The following ODAD2 variants were observed in gnomAD, a reference collection of about 807,000 sequenced individuals.
ODAD2 encodes the protein outer dynein arm-docking complex subunit 2.
In ODAD2, 89 loss-of-function variants were observed where a neutral mutation model predicts 106.8. The observed-to-expected ratio is 0.83, with a 90% CI of 0.70 to 0.99. ODAD2 has a LOEUF of 0.99. Ranked by LOEUF, ODAD2 falls within the 50% of genes least tolerant of loss-of-function variation. The pLI is 0.00. For missense variants in ODAD2, 1,168 were observed against 1,238.5 expected, an observed-to-expected ratio of 0.94 and a Z score of 0.85; for synonymous variants, 404 against 436.2, an observed-to-expected ratio of 0.93 and a Z score of 0.92.
intron 7 of ODAD2, among the ~76,000 whole-genome samples, chr10:27,975,523 C>A (rs1216562426): frequency 2.0e-5 from 3 of 152,060 alleles, no homozygotes; most frequent in African/African-American, 7.2e-5. Flanking sequence ...ATAAATCTGG[C>A]AACTTACACC....
intron 7 of ODAD2, among the ~76,000 whole-genome samples, chr10:27,976,551 A>G (rs1312644429): frequency 1.3e-5 from 2 of 152,192 alleles, no homozygotes; most frequent in African/African-American, 4.8e-5. Context: ...GATGTATAAG[A>G]CCTGTATATT....
chr10:27,980,576 G>A lies in ODAD2; in HGVS notation c.936+890C>T, dbSNP rs566271983. The stretch of plus-strand genomic sequence containing the variant: ...CCAACAAATATATGAAAATATGGTC[G>A]ACATTACTAATCATTATGGAAATGC... On this transcript the variant is annotated intron_variant, in intron 7 of 19. Coordinates refer to ENST00000305242, the MANE Select transcript of ODAD2 (RefSeq NM_018076.5). Among the ~76,000 whole-genome samples the A allele has an allele frequency of 5.9e-5, 9 of 152,106 alleles. No individual in the cohort carries two copies. In the South Asian group the frequency reaches 6.2e-4, roughly 11 times the overall value.
At chr10:27,998,819 C>CG (rs1475593471) in intron 1 of ODAD2, among the ~76,000 whole-genome samples, 175 bp downstream of exon 1, 1 of 152,130 alleles carries the variant, frequency 6.6e-6, no homozygotes, top group South Asian at 2.1e-4. Context: ...CACCCTGCCC[C>CG]CCGCAGTCGG....
intron 1 of ODAD2, chr10:27,997,492 A>G (rs569931983): frequency 6.6e-6 from 1 of 152,366 alleles, no homozygotes; most frequent in South Asian, 2.1e-4. Flanking sequence ...TCAACATACC[A>G]TATAGTAACT....
At chr10:27,993,190 C>T (rs1347827638) in intron 2 of ODAD2, among the ~76,000 whole-genome samples, 1 of 152,088 alleles carries the variant, frequency 6.6e-6, no homozygotes, top group Non-Finnish European at 1.5e-5. Flanking sequence ...GTTGGGATTA[C>T]AGGTGTGAGC....
At chr10:27,915,445 T>C (rs149459051) in intron 16 of ODAD2, among the ~76,000 whole-genome samples, 224 of 152,216 alleles carry the variant, frequency 1.5e-3, no homozygotes, top group African/African-American at 5.2e-3. Context: ...CCGGGGACTC[T>C]TTTAAAAGGG....
intron 10 of ODAD2, among the ~76,000 whole-genome samples, chr10:27,945,769 T>C (rs1270422341): frequency 1.3e-5 from 2 of 152,192 alleles, no homozygotes; most frequent in Non-Finnish European, 2.9e-5. Flanking sequence ...TTTGAAAATC[T>C]TCTAAGGAGT....
intron 7 of ODAD2, among the ~76,000 whole-genome samples, chr10:27,975,644 T>A (rs1849142569): frequency 6.6e-6 from 1 of 152,120 alleles, no homozygotes; most frequent in African/African-American, 2.4e-5. Flanking sequence ...GTAGTTAAAA[T>A]TTTTCCCATA....
At chr10:27,814,047 T>C (rs1450553298) in intron 19 of ODAD2, among the ~76,000 whole-genome samples, 1 of 152,218 alleles carries the variant, frequency 6.6e-6, no homozygotes, top group Non-Finnish European at 1.5e-5. Context: ...AGGAGTCTCT[T>C]CTTGGTTCGA....
intron 16 of ODAD2, among the ~76,000 whole-genome samples, chr10:27,924,025 GGAAAGA>G (rs1564509539): frequency 6.3e-4 from 38 of 59,894 alleles, no homozygotes; most frequent in East Asian, 3.1e-3. Context: ...AAAGAAAGAA[GGAAAGA>G]GAAAGAAAGA....
intron 10 of ODAD2, among the ~76,000 whole-genome samples, chr10:27,952,299 G>T (rs961528121): frequency 6.6e-6 from 1 of 151,686 alleles, no homozygotes; most frequent in Non-Finnish European, 1.5e-5. Context: ...GCCCCTGTGA[G>T]AATTGGCCAA....
At chr10:27,827,312 ACTG>A in intron 19 of ODAD2, among the ~76,000 whole-genome samples, 1 of 150,676 alleles carries the variant, frequency 6.6e-6, no homozygotes, top group Non-Finnish European at 1.5e-5. Flanking sequence ...TTCATGAACT[ACTG>A]CTCTCAAATC....
At chr10:27,974,589 G>A (rs1459283674) in intron 7 of ODAD2, among the ~76,000 whole-genome samples, 1 of 151,622 alleles carries the variant, frequency 6.6e-6, no homozygotes, top group Non-Finnish European at 1.5e-5. Flanking sequence ...TGGTCTATGT[G>A]TCTTCTTTAT....
chr10:27,885,722 T>A (rs188168921), intron 17 of ODAD2, among the ~76,000 whole-genome samples: 5 of 39,728 alleles, frequency 1.3e-4, no homozygotes, highest in Non-Finnish European at 1.5e-4. Context: ...TATTATATAT[T>A]ATATATAAAA....
At chr10:27,874,338 G>C (rs1161200796) in intron 17 of ODAD2, among the ~76,000 whole-genome samples, 1 of 152,162 alleles carries the variant, frequency 6.6e-6, no homozygotes, top group Non-Finnish European at 1.5e-5. Flanking sequence ...TTTAATTGGA[G>C]CATTTAGTCT....
At chr10:27,899,661 G>A (rs561709615) in intron 17 of ODAD2, among the ~76,000 whole-genome samples, 5 of 152,262 alleles carry the variant, frequency 3.3e-5, no homozygotes, top group African/African-American at 4.8e-5. Context: ...GGCTTGAGTA[G>A]GTGGTTTTCC....
chr10:27,837,770 T>C (rs1022562043), intron 19 of ODAD2, among the ~76,000 whole-genome samples: 1 of 152,210 alleles, frequency 6.6e-6, no homozygotes, highest in African/African-American at 2.4e-5. Context: ...CACAAGTGTA[T>C]TGTAAATGAA....
intron 6 of ODAD2, among the ~76,000 whole-genome samples, 186 bp downstream of exon 6, chr10:27,983,657 G>A (rs1171463957): frequency 1.3e-5 from 2 of 152,146 alleles, no homozygotes; most frequent in Non-Finnish European, 2.9e-5. Flanking sequence ...GACCTGCAGT[G>A]GAGAATAAGA....
chr10:27,926,767 T>A (rs1015478332), intron 16 of ODAD2, among the ~76,000 whole-genome samples: 1 of 152,186 alleles, frequency 6.6e-6, no homozygotes, highest in Non-Finnish European at 1.5e-5. Flanking sequence ...ACTTAAATTT[T>A]TTTAGTTGTT....
Sources: allele counts gnomAD v4.1 joint callset (sites outside exome capture counted in the v4.1 genomes callset), GRCh38; gene constraint gnomAD v4.1.1; transcripts MANE v1.5; gene names NCBI Gene and HGNC (gene_info 2026-07-23, HGNC 2026-07-21).